Variants in CFAP20DC observed in about 807,000 individuals in gnomAD.
The protein encoded by CFAP20DC is protein CFAP20DC.
A neutral mutation model predicts 101.7 loss-of-function variants in CFAP20DC; 84 were observed. The observed-to-expected ratio is 0.83, with a 90% CI of 0.69 to 0.99. The LOEUF is 0.99. Among genes scored for constraint, CFAP20DC ranks in the 50% least tolerant of loss-of-function variants. The probability of loss-of-function intolerance (pLI) is 0.00; values close to 1 mark genes in which losing one functional copy is unlikely to be tolerated. For synonymous variants in CFAP20DC, 359 were observed against 351.2 expected (o/e 1.02, Z -0.25); for missense variants, 1,007 against 970.3 (o/e 1.04, Z -0.50).
intron 4 of CFAP20DC, among the ~76,000 whole-genome samples, chr3:58,960,187 G>A (rs2091010996): frequency 6.6e-6 from 1 of 152,100 alleles, no homozygotes; most frequent in Admixed American, 6.6e-5. Context: ...CAAAAGGTTT[G>A]TAAATTTTGT....
rs12631544 is a variant in CFAP20DC at position 58,988,910 on chromosome 3, G to T, written c.278+50647C>A. On this transcript the variant is annotated intron_variant, in intron 4 of 16. Coordinates refer to ENST00000482387, the MANE Select transcript of CFAP20DC (RefSeq NM_001394063.1). ...ACCATCAATACCCATGGTTCCAAAT[G>T]TTATGATGATGTCTTTTGCCAGGAG... is the stretch of plus-strand genomic sequence containing the variant. 4.0e-4 allele frequency among the ~76,000 whole-genome samples: 61 copies of T among 152,198 alleles called. No individual in the cohort carries two copies. In the East Asian group the frequency reaches 0.011, roughly 28 times the overall value.
intron 4 of CFAP20DC, among the ~76,000 whole-genome samples, chr3:58,986,675 G>T (rs2092763501): frequency 6.6e-6 from 1 of 152,104 alleles, no homozygotes; most frequent in African/African-American, 2.4e-5. Context: ...CCTTGTGAGG[G>T]AATCCCAAGC....
intron 14 of CFAP20DC, among the ~76,000 whole-genome samples, chr3:58,809,684 G>C (rs1359888117): frequency 6.6e-6 from 1 of 152,046 alleles, no homozygotes; most frequent in Non-Finnish European, 1.5e-5. Flanking sequence ...CTAGCAGAAG[G>C]CAAGACATAA....
At chr3:58,968,249 A>G (rs2108324307) in intron 4 of CFAP20DC, among the ~76,000 whole-genome samples, 1 of 152,298 alleles carries the variant, frequency 6.6e-6, no homozygotes, top group Middle Eastern at 3.4e-3. Context: ...GCTGGGTCAA[A>G]TGGTAGTTCT....
chr3:58,984,513 C>T (rs1396156267), intron 4 of CFAP20DC, among the ~76,000 whole-genome samples: 2 of 152,196 alleles, frequency 1.3e-5, no homozygotes, highest in South Asian at 4.1e-4. Flanking sequence ...GATGCCAAAT[C>T]ATTTTTAACT....
chr3:58,817,151 A>C (rs1195382407), intron 14 of CFAP20DC, among the ~76,000 whole-genome samples: 2 of 151,840 alleles, frequency 1.3e-5, no homozygotes, highest in South Asian at 2.1e-4. Context: ...CATCACCATC[A>C]TCAAAGACCA....
At position 59,049,607 on chromosome 3, in the gene CFAP20DC, T is replaced by A; in HGVS notation, c.21+4A>T. The stretch of plus-strand genomic sequence containing the variant: ...AGACAGGTTGGAGAACCGTTTCGGG[T>A]TACCTGGTACTCATTTTTGAACATT... On this transcript the variant is annotated splice_donor_region_variant and intron_variant, in intron 1 of 16. Transcript: ENST00000482387. 1 of 1,536,056 alleles carries A rather than the reference T, an allele frequency of 6.5e-7. No individual in the cohort carries two copies. The highest frequency in any genetic ancestry group is 1.2e-5 in the South Asian group (1 of 84,066).
intron 6 of CFAP20DC, among the ~76,000 whole-genome samples, chr3:58,896,819 T>C (rs2082702660): frequency 1.3e-5 from 2 of 152,172 alleles, no homozygotes; most frequent in South Asian, 4.1e-4. Context: ...TGATCAATTT[T>C]AGAGTGAGTG....
At chr3:58,816,233 C>T (rs972289719) in intron 14 of CFAP20DC, among the ~76,000 whole-genome samples, 10 of 152,132 alleles carry the variant, frequency 6.6e-5, no homozygotes, top group African/African-American at 2.4e-4. Flanking sequence ...GACTGGAAAT[C>T]ATCATTCTCA....
intron 15 of CFAP20DC, among the ~76,000 whole-genome samples, chr3:58,794,765 T>C (rs372266757): frequency 2.7e-4 from 41 of 152,326 alleles, no homozygotes; most frequent in African/African-American, 9.4e-4. Flanking sequence ...GCCCACACAC[T>C]GCCTAATGAC....
At chr3:58,867,748 C>G in intron 10 of CFAP20DC, 69 bp downstream of exon 10, 1 of 1,567,246 alleles carries the variant, frequency 6.4e-7, no homozygotes, top group Non-Finnish European at 8.7e-7. Flanking sequence ...AAATTTACAA[C>G]CTGCAGAGAG....
chr3:59,027,883 T>C (rs1038125453), intron 4 of CFAP20DC, among the ~76,000 whole-genome samples: 4 of 152,202 alleles, frequency 2.6e-5, no homozygotes, highest in Non-Finnish European at 5.9e-5. Flanking sequence ...AAATAAATGT[T>C]AAAACCTGTT....
intron 15 of CFAP20DC, among the ~76,000 whole-genome samples, chr3:58,769,164 GTCC>G (rs1559564342): frequency 6.6e-6 from 1 of 152,182 alleles, no homozygotes; most frequent in African/African-American, 2.4e-5. Context: ...GCCCGAGTTA[GTCC>G]TACAGGGAGG....
intron 5 of CFAP20DC, among the ~76,000 whole-genome samples, chr3:58,918,106 G>A (rs921274462): frequency 1.3e-5 from 2 of 152,050 alleles, no homozygotes; most frequent in African/African-American, 4.8e-5. Flanking sequence ...ATTTTTCTAA[G>A]AGTCTTAGAC....
rs1198325234 is a variant in CFAP20DC, at chr3:58,963,187, AGTTT to A, written c.279-25429_279-25426del. Reference sequence around the variant, plus strand: ...TTCATACTTCTTCTCAAGGTTCAGTAGTTTGTGTGTGTGTGTGTGTGTGTGTGTG... The same window carrying A: ...TTCATACTTCTTCTCAAGGTTCAGTAGTGTGTGTGTGTGTGTGTGTGTGTG... On this transcript the variant is annotated intron_variant, in intron 4 of 16. Coordinates refer to ENST00000482387, the MANE Select transcript of CFAP20DC (RefSeq NM_001394063.1). Among the ~76,000 whole-genome samples the A allele has an allele frequency of 2.6e-4, 14 of 53,094 alleles. No homozygotes were observed. In the East Asian group the frequency reaches 4.9e-3, roughly 19 times the overall value. 34.8% of individuals were successfully genotyped at this position (53,094 alleles called of 152,430 possible).
At chr3:58,903,228 A>G (rs115497837) in intron 6 of CFAP20DC, among the ~76,000 whole-genome samples, 1,912 of 152,258 alleles carry the variant, frequency 0.013, 46 homozygotes, top group African/African-American at 0.044. Context: ...ACTATTGACA[A>G]TGCAAGGTCA....
rs181207699 is a variant in CFAP20DC at position 58,775,174 on chromosome 3, C to T, written c.2238-21311G>A. 1.1e-3 allele frequency among the ~76,000 whole-genome samples: 169 copies of T among 152,240 alleles called. 1 individual carries two copies. Among genetic ancestry groups the T allele is most frequent in the Admixed American group, 4.0e-3 (61 of 15,288 alleles). On this transcript the variant is annotated intron_variant, in intron 15 of 16. Transcript: ENST00000482387. ...CATCAATCAATATGAGTAAGACATA[C>T]GTTGGTTCTGTCCAGAAAGGCGAGG...
At position 58,775,756 on chromosome 3, in the gene CFAP20DC, T is replaced by C. The variant is rs369658897; in HGVS notation, c.2238-21893A>G. On this transcript the variant is annotated intron_variant, in intron 15 of 16. Coordinates refer to ENST00000482387, the MANE Select transcript of CFAP20DC (RefSeq NM_001394063.1). ...TCTCCCTTTTCTGTCTTTTTTTTTT[T>C]TTTTTTGAGATGGAGTTTTGCTCTT... Among the ~76,000 whole-genome samples, 14 of 151,606 alleles carry C rather than the reference T, an allele frequency of 9.2e-5. No homozygotes were observed. In the East Asian group the frequency reaches 1.7e-3, roughly 19 times the overall value.
At position 58,729,096 on chromosome 3, in the gene CFAP20DC, C is replaced by A. The variant is rs369349038; in HGVS notation, c.198-11468G>T. On this transcript the variant is annotated intron_variant, in intron 3 of 3. Transcript: ENST00000486145. This position sits in a 1 kb window ranked among gnomAD's most constrained non-coding sequence, Gnocchi z 4.4. ...ACCTTCAGATGGCTGCAGTCTGGAC[C>A]AAAAAATCTTGACTGCAACCTCATG... is the stretch of plus-strand genomic sequence containing the variant. Among the ~76,000 whole-genome samples the A allele has an allele frequency of 8.1e-4, 123 of 152,222 alleles. No individual in the cohort carries two copies. Among genetic ancestry groups the A allele is most frequent in the Middle Eastern group, 3.4e-3 (1 of 294 alleles).
Sources: allele counts gnomAD v4.1 joint callset (sites outside exome capture counted in the v4.1 genomes callset), GRCh38; gene constraint gnomAD v4.1.1; non-coding constraint Gnocchi (gnomAD v3.1); transcripts MANE v1.5; gene names NCBI Gene and HGNC (gene_info 2026-07-23, HGNC 2026-07-21).